EFL1: variants seen among roughly 807,000 people sequenced by gnomAD.
EFL1 encodes the protein elongation factor-like GTPase 1.
In EFL1, 76 loss-of-function variants were observed where a neutral mutation model predicts 126.7. The observed-to-expected ratio is 0.60, with a 90% CI of 0.50 to 0.73. EFL1 has a LOEUF of 0.73. Among genes scored for constraint, EFL1 ranks in the 30% least tolerant of loss-of-function variants. The pLI is 0.00. For missense variants in EFL1, 1,128 were observed against 1,343.2 expected (o/e 0.84, Z 2.50); for synonymous variants, 410 against 448.4 (o/e 0.91, Z 1.08).
At chr15:82,209,355 A>G (rs2074560917) in intron 15 of EFL1, among the ~76,000 whole-genome samples, 1 of 150,964 alleles carries the variant, frequency 6.6e-6, no homozygotes, top group Admixed American at 6.6e-5. Context: ...ACACACACAG[A>G]TTATCAACAC....
intron 2 of EFL1, among the ~76,000 whole-genome samples, chr15:82,261,291 C>G (rs1223149714): frequency 6.6e-6 from 1 of 152,204 alleles, no homozygotes; most frequent in Non-Finnish European, 1.5e-5. Context: ...AAATCTCCAC[C>G]TTCAGACATA....
intron 19 of EFL1, among the ~76,000 whole-genome samples, chr15:82,132,294 C>T (rs574063342): frequency 1.3e-5 from 2 of 152,150 alleles, no homozygotes; most frequent in African/African-American, 2.4e-5. Context: ...ATCAGACCAA[C>T]GAGACGCTTC....
At chr15:82,255,452 A>T (rs2075058547) in intron 3 of EFL1, among the ~76,000 whole-genome samples, 1 of 152,166 alleles carries the variant, frequency 6.6e-6, no homozygotes, top group Non-Finnish European at 1.5e-5. Flanking sequence ...CACAGTTACC[A>T]GGCTTGTTTT....
chr15:82,187,841 G>C (rs950760756), intron 15 of EFL1, among the ~76,000 whole-genome samples: 3 of 151,548 alleles, frequency 2.0e-5, no homozygotes, highest in Non-Finnish European at 4.4e-5. Flanking sequence ...AATCTACTTT[G>C]ACTTAATCTC....
intron 6 of EFL1, 97 bp downstream of exon 6, chr15:82,240,321 G>C: frequency 1.6e-6 from 2 of 1,229,998 alleles, no homozygotes; most frequent in South Asian, 3.2e-5. Context: ...AAGTGGAAAA[G>C]TTCCCTTTTC....
At chr15:82,257,780 C>T (rs1005082427) in intron 3 of EFL1, among the ~76,000 whole-genome samples, 15 of 152,336 alleles carry the variant, frequency 9.8e-5, no homozygotes, top group African/African-American at 3.6e-4. Flanking sequence ...TTAGGGTTCA[C>T]TCTTTGTATT....
At chr15:82,258,517 T>G (rs1439000788) in intron 3 of EFL1, among the ~76,000 whole-genome samples, 1 of 152,192 alleles carries the variant, frequency 6.6e-6, no homozygotes, top group African/African-American at 2.4e-5. Flanking sequence ...ATCACACCAC[T>G]GCACTCTAGC....
chr15:82,142,061 C>T (rs2073794744), intron 18 of EFL1, among the ~76,000 whole-genome samples: 1 of 152,166 alleles, frequency 6.6e-6, no homozygotes, highest in Non-Finnish European at 1.5e-5. Context: ...TTCAAAGACC[C>T]TAAATGTGCC....
intron 15 of EFL1, among the ~76,000 whole-genome samples, chr15:82,183,170 C>A (rs566121240): frequency 1.2e-4 from 19 of 152,030 alleles, no homozygotes; most frequent in African/African-American, 4.6e-4. Context: ...ATATACTCAG[C>A]GGCAAAAAGT....
In EFL1 at chr15:82,248,317, G is replaced by C. The variant is rs545984103; in HGVS notation, c.244+4374C>G. ...ACTCTTCCCTCCCAGCCTCATTCTG[G>C]AAAGAATAAGGCAAGTTAGGACCAT... On this transcript the variant is annotated intron_variant, in intron 4 of 19. Transcript: ENST00000268206. 3.9e-5 allele frequency among the ~76,000 whole-genome samples: 6 copies of C among 152,124 alleles called. No homozygotes were observed. In the East Asian group the frequency reaches 9.7e-4, roughly 25 times the overall value.
intron 15 of EFL1, among the ~76,000 whole-genome samples, chr15:82,188,477 C>T (rs141951247): frequency 6.6e-6 from 1 of 152,168 alleles, no homozygotes; most frequent in East Asian, 1.9e-4. Flanking sequence ...CTAGTGAGTG[C>T]CTTAAAGAAA....
At chr15:82,230,705 T>C in intron 8 of EFL1, 143 bp downstream of exon 8, 1 of 940,802 alleles carries the variant, frequency 1.1e-6, no homozygotes, top group Non-Finnish European at 1.5e-6. Flanking sequence ...TGTAAGCCTT[T>C]CCCAATTATA....
rs113280986 is a variant in EFL1, at chr15:82,147,868, C to G, written c.2989+3597G>C. ...GCACAGTAGAAGGAAGAAGAGGATA[C>G]CAACTCAGGTGGATCAGTAGCATGT... On this transcript the variant is annotated intron_variant, in intron 18 of 19. Coordinates refer to ENST00000268206, the MANE Select transcript of EFL1 (RefSeq NM_024580.6). Among the ~76,000 whole-genome samples the G allele has an allele frequency of 4.9e-3, 753 of 152,170 alleles. 11 individuals are homozygous for G. The highest frequency in any genetic ancestry group is 0.017 in the African/African-American group (725 of 41,502).
At chr15:82,183,014 GACA>G (rs779953459) in intron 15 of EFL1, among the ~76,000 whole-genome samples, 4 of 152,118 alleles carry the variant, frequency 2.6e-5, no homozygotes, top group Non-Finnish European at 4.4e-5. Flanking sequence ...GAGGTGGAAA[GACA>G]ACAAGGAAGT....
chr15:82,214,379 C>A (rs1466452822), intron 15 of EFL1, among the ~76,000 whole-genome samples: 2 of 152,152 alleles, frequency 1.3e-5, no homozygotes, highest in East Asian at 1.9e-4. Context: ...CAATTTAGAA[C>A]CTAATCTGTA....
chr15:82,162,902 G>A (rs1463109571), intron 16 of EFL1, among the ~76,000 whole-genome samples: 1 of 152,208 alleles, frequency 6.6e-6, no homozygotes, highest in Non-Finnish European at 1.5e-5. Context: ...TTGTCCTTTG[G>A]TTTCCCTAAG....
chr15:82,251,842 C>T (rs2075024323), intron 4 of EFL1, among the ~76,000 whole-genome samples: 1 of 152,076 alleles, frequency 6.6e-6, no homozygotes, highest in South Asian at 2.1e-4. Context: ...CTTCTAATTA[C>T]AAAAATATAC....
chr15:82,202,421 T>G lies in EFL1; in HGVS notation c.1750+12296A>C, dbSNP rs116687899. 8.7e-3 allele frequency among the ~76,000 whole-genome samples: 1,318 copies of G among 152,342 alleles called. 13 individuals are homozygous for G. Among genetic ancestry groups the G allele is most frequent in the African/African-American group, 0.03 (1,252 of 41,576 alleles). ...CATTTTCTTTCTTTATGTGTGACTT[T>G]GGAGGTCTATTTGTTAATTATAATA... On this transcript the variant is annotated intron_variant, in intron 15 of 19. Coordinates refer to ENST00000268206, the MANE Select transcript of EFL1 (RefSeq NM_024580.6).
intron 17 of EFL1, among the ~76,000 whole-genome samples, chr15:82,153,817 T>C (rs1002682350): frequency 6.6e-6 from 1 of 152,236 alleles, no homozygotes; most frequent in African/African-American, 2.4e-5. Flanking sequence ...CTTTTAAATA[T>C]GCTAAATTGG....
Sources: allele counts gnomAD v4.1 joint callset (sites outside exome capture counted in the v4.1 genomes callset), GRCh38; gene constraint gnomAD v4.1.1; transcripts MANE v1.5; gene names NCBI Gene and HGNC (gene_info 2026-07-23, HGNC 2026-07-21).